Variants in N4BP2L2 observed in about 807,000 individuals in gnomAD.
N4BP2L2 encodes the protein NEDD4 binding protein 2 like 2, also known as NEDD4-binding protein 2-like 2.
Under a neutral mutation model 56.2 loss-of-function variants are expected in N4BP2L2, and 50 were observed. The observed-to-expected ratio is 0.89, with a 90% CI of 0.71 to 1.13. N4BP2L2 has a LOEUF of 1.13. Ranked by LOEUF, N4BP2L2 falls within the 50% of genes most tolerant of loss-of-function variation. The probability of loss-of-function intolerance (pLI) is 0.00; values close to 1 mark genes in which losing one functional copy is unlikely to be tolerated. For missense variants in N4BP2L2, 689 were observed against 693.8 expected, an observed-to-expected ratio of 0.99 and a Z score of 0.08; for synonymous variants, 203 against 223.6, an observed-to-expected ratio of 0.91 and a Z score of 0.82.
chr13:32,461,281 A>G (rs781220809), intron 6 of N4BP2L2, among the ~76,000 whole-genome samples: 2 of 152,228 alleles, frequency 1.3e-5, no homozygotes, highest in Non-Finnish European at 2.9e-5. Flanking sequence ...AATTAAATTT[A>G]AAAGCTTCTG....
chr13:32,538,655 T>G (rs930657156), exon 1 of N4BP2L2: 30 of 985,288 alleles, frequency 3.0e-5, no homozygotes, highest in Non-Finnish European at 3.6e-5. Flanking sequence ...TACCTCCCAA[T>G]AAAACCTTCT....
exon 5 of N4BP2L2, chr13:32,521,438 T>C (rs2050875076): frequency 6.2e-7 from 1 of 1,609,520 alleles, no homozygotes; most frequent in South Asian, 1.1e-5. Context: ...CTCTGTATCC[T>C]TTTCCTATGG....
upstream of N4BP2L2, chr13:32,538,787 C>A: frequency 3.0e-6 from 3 of 985,462 alleles, no homozygotes; most frequent in Non-Finnish European, 3.6e-6. Context: ...CCTCCGTACG[C>A]AAGATGGCGG....
At chr13:32,449,532 T>A (rs1195248834) in intron 6 of N4BP2L2, among the ~76,000 whole-genome samples, 1 of 152,236 alleles carries the variant, frequency 6.6e-6, no homozygotes, top group Non-Finnish European at 1.5e-5. Flanking sequence ...TAAAAACATG[T>A]ATTTTAAGTT....
At chr13:32,511,462 T>G (rs1254799125) in exon 6 of N4BP2L2, 1 of 152,196 alleles carries the variant, frequency 6.6e-6, no homozygotes, top group Non-Finnish European at 1.5e-5. Context: ...ATGTAAATAT[T>G]TTTTCTCAAA....
At chr13:32,475,856 CAG>C (rs879499274) in intron 6 of N4BP2L2, among the ~76,000 whole-genome samples, 1 of 151,820 alleles carries the variant, frequency 6.6e-6, no homozygotes, top group Admixed American at 6.6e-5. Context: ...AAGTTGAAGA[CAG>C]ATAAGAAAAA....
chr13:32,518,071 A>G (rs2049672544), intron 5 of N4BP2L2, 68 bp from the exon 6 acceptor site: 1 of 1,401,740 alleles, frequency 7.1e-7, no homozygotes, highest in Non-Finnish European at 9.6e-7. Context: ...TAACTGTTTT[A>G]GAGAAAAAGC....
At chr13:32,443,361 A>C (rs751119050) in exon 7 of N4BP2L2, 2 of 1,614,038 alleles carry the variant, frequency 1.2e-6, no homozygotes, top group Non-Finnish European at 1.7e-6. Flanking sequence ...TAAACTTATG[A>C]GGTCCTGCAG....
chr13:32,512,094 T>G (rs2048270075), exon 6 of N4BP2L2: 1 of 151,874 alleles, frequency 6.6e-6, no homozygotes. Flanking sequence ...AATAAGAAAA[T>G]AATCCAAATA....
exon 7 of N4BP2L2, chr13:32,443,589 A>C (rs2138308561): frequency 6.2e-7 from 1 of 1,611,748 alleles, no homozygotes; most frequent in Non-Finnish European, 8.5e-7. Flanking sequence ...ATAAGCATGA[A>C]GTTTCCGCAG....
chr13:32,535,659 C>G lies in N4BP2L2; in HGVS notation c.1259+110G>C, dbSNP rs1170348870. The G allele has an allele frequency of 4.2e-6, 5 of 1,204,306 alleles. No individual in the cohort carries two copies. In the African/African-American group the frequency reaches 7.7e-5, roughly 19 times the overall value. The allele number at this position is 1,204,306 out of a possible 1,614,324, so 74.6% of individuals were successfully genotyped here. On this transcript the variant is annotated intron_variant, in intron 2 of 5. Coordinates refer to ENST00000267068, the Ensembl canonical transcript of N4BP2L2. ...GCTCAAGTGACTGGTCCACCCTGGC[C>G]TCCCAAAGTGTTGGGATTACATGCA...
At chr13:32,472,269 T>C (rs2082453868) in intron 6 of N4BP2L2, among the ~76,000 whole-genome samples, 1 of 152,172 alleles carries the variant, frequency 6.6e-6, no homozygotes, top group Non-Finnish European at 1.5e-5. Flanking sequence ...CCTAAAAATA[T>C]AGTCTAAAAA....
At chr13:32,526,371 G>A (rs1189987928) in intron 3 of N4BP2L2, among the ~76,000 whole-genome samples, 1 of 152,196 alleles carries the variant, frequency 6.6e-6, no homozygotes, top group Non-Finnish European at 1.5e-5. Context: ...TACATGATCT[G>A]AAGGAACTGG....
intron 6 of N4BP2L2, among the ~76,000 whole-genome samples, chr13:32,471,130 C>T (rs555633678): frequency 3.9e-5 from 6 of 152,256 alleles, no homozygotes; most frequent in South Asian, 2.1e-4. Flanking sequence ...ATGTATGTAA[C>T]GGGCCTGTGT....
At chr13:32,535,669 G>A in intron 2 of N4BP2L2, 100 bp downstream of exon 2, 1 of 1,311,276 alleles carries the variant, frequency 7.6e-7, no homozygotes, top group Non-Finnish European at 1.0e-6. Flanking sequence ...CTCCCAAAGT[G>A]TTGGGATTAC....
chr13:32,496,134 C>T (rs1202608605), intron 6 of N4BP2L2, among the ~76,000 whole-genome samples: 4 of 152,156 alleles, frequency 2.6e-5, no homozygotes, highest in African/African-American at 9.7e-5. Context: ...ACTGGGCCAC[C>T]ACACCAACTA....
chr13:32,501,008 A>G (rs1481355836), intron 6 of N4BP2L2, among the ~76,000 whole-genome samples: 1 of 151,844 alleles, frequency 6.6e-6, no homozygotes, highest in East Asian at 2.0e-4. Context: ...AGCTGGGATT[A>G]CAGGCATGCA....
At chr13:32,478,777 G>C (rs545200824) in intron 6 of N4BP2L2, 1 of 151,986 alleles carries the variant, frequency 6.6e-6, no homozygotes, top group African/African-American at 2.4e-5. Flanking sequence ...GGGTGATTTC[G>C]GAAGTACAAA....
intron 9 of N4BP2L2, among the ~76,000 whole-genome samples, chr13:32,435,936 T>A (rs1006816696): frequency 6.6e-6 from 1 of 152,226 alleles, no homozygotes; most frequent in African/African-American, 2.4e-5. Flanking sequence ...AATGTCAGCT[T>A]GATAAGTTTA....
Sources: gnomAD v4.1 joint callset for allele counts (sites outside exome capture counted in the v4.1 genomes callset) on GRCh38, gnomAD v4.1.1 for gene constraint, MANE v1.5 for transcripts, NCBI Gene and HGNC (gene_info 2026-07-23, HGNC 2026-07-21) for gene names.